The following DGLUCY variants were observed in gnomAD, a reference collection of about 807,000 sequenced individuals.
The protein encoded by DGLUCY is D-glutamate cyclase, mitochondrial.
DGLUCY carries 58 observed loss-of-function variants against 58.5 expected under a neutral mutation model. That is an observed-to-expected ratio of 0.99 (90% CI 0.80 to 1.23). DGLUCY has a LOEUF of 1.23. Among genes scored for constraint, DGLUCY ranks in the 50% most tolerant of loss-of-function variants. The probability of loss-of-function intolerance (pLI) is 0.00; values close to 1 mark genes in which losing one functional copy is unlikely to be tolerated. For missense variants in DGLUCY, 779 were observed against 784.7 expected (o/e 0.99, Z 0.09); for synonymous variants, 325 against 314.1 (o/e 1.03, Z -0.37).
chr14:91,121,662 A>G lies in DGLUCY; in HGVS notation c.-82+7379A>G, dbSNP rs577346230. ...AATAATAATAATAATAATTTCAAGA[A>G]CAAACTCAACTAATGTCTTCAGTGA... On this transcript the variant is annotated intron_variant, in intron 1 of 13. Coordinates refer to ENST00000256324, the MANE Select transcript of DGLUCY (RefSeq NM_001102368.3). 2.7e-5 allele frequency among the ~76,000 whole-genome samples: 4 copies of G among 150,352 alleles called. No individual in the cohort carries two copies. In the South Asian group the frequency reaches 8.4e-4, roughly 32 times the overall value.
At chr14:91,181,493 A>G (rs762701447) in intron 8 of DGLUCY, 104 bp downstream of exon 8, 2 of 1,153,120 alleles carry the variant, frequency 1.7e-6, no homozygotes, top group South Asian at 1.5e-5. Flanking sequence ...TGCAAAATGT[A>G]TCCACAGGAT....
At chr14:91,192,307 G>A (rs1159766984) in intron 9 of DGLUCY, among the ~76,000 whole-genome samples, 1 of 152,138 alleles carries the variant, frequency 6.6e-6, no homozygotes, top group Non-Finnish European at 1.5e-5. Flanking sequence ...AACTCATAGG[G>A]CAGAAAGTAG....
intron 1 of DGLUCY, among the ~76,000 whole-genome samples, chr14:91,068,528 C>T (rs4904743): frequency 0.29 from 44,573 of 151,838 alleles, 6,617 homozygotes; most frequent in Middle Eastern, 0.34. Context: ...ATTAGCCAGG[C>T]GTGGTGGGGC....
chr14:91,112,392 C>G (rs2044720029), upstream of DGLUCY, among the ~76,000 whole-genome samples: 1 of 152,124 alleles, frequency 6.6e-6, no homozygotes, highest in Non-Finnish European at 1.5e-5. Flanking sequence ...CCAAACAGAG[C>G]AACTTAGACA....
At chr14:91,181,578 T>C (rs990980322) in intron 8 of DGLUCY, among the ~76,000 whole-genome samples, 189 bp downstream of exon 8, 1 of 152,202 alleles carries the variant, frequency 6.6e-6, no homozygotes, top group Non-Finnish European at 1.5e-5. Context: ...CTGACATTGA[T>C]GGTCTCTAGG....
chr14:91,073,009 C>T (rs952825487), intron 1 of DGLUCY, among the ~76,000 whole-genome samples: 1 of 151,372 alleles, frequency 6.6e-6, no homozygotes, highest in Non-Finnish European at 1.5e-5. Context: ...AAATAAAAAA[C>T]ATAAAATAAA....
chr14:91,164,863 A>G (rs1454543192), intron 3 of DGLUCY, among the ~76,000 whole-genome samples: 1 of 152,226 alleles, frequency 6.6e-6, no homozygotes, highest in African/African-American at 2.4e-5. Context: ...TGTTTGCTCA[A>G]GGCCATGGGG....
chr14:91,097,461 A>C (rs574316946), intron 1 of DGLUCY, among the ~76,000 whole-genome samples: 1 of 152,216 alleles, frequency 6.6e-6, no homozygotes, highest in Non-Finnish European at 1.5e-5. Flanking sequence ...GCAAAGTTCC[A>C]TGAATATGCA....
chr14:91,176,386 C>T (rs1217258887), intron 7 of DGLUCY, among the ~76,000 whole-genome samples: 1 of 151,940 alleles, frequency 6.6e-6, no homozygotes, highest in African/African-American at 2.4e-5. Context: ...CCACCATGCC[C>T]AGCTAATTTT....
chr14:91,067,949 A>G (rs1401262982), intron 1 of DGLUCY, among the ~76,000 whole-genome samples: 1 of 152,142 alleles, frequency 6.6e-6, no homozygotes, highest in African/African-American at 2.4e-5. Flanking sequence ...AAAGACCAAC[A>G]CAGTTAGGGG....
chr14:91,200,285 C>G (rs970507492), intron 11 of DGLUCY, among the ~76,000 whole-genome samples: 1 of 152,094 alleles, frequency 6.6e-6, no homozygotes, highest in Non-Finnish European at 1.5e-5. Context: ...ATTGAACACA[C>G]GACCAGAAAG....
At chr14:91,173,698 A>G (rs2048702264) in intron 6 of DGLUCY, 2 of 400,648 alleles carry the variant, frequency 5.0e-6, no homozygotes, top group South Asian at 8.8e-5. Flanking sequence ...AACAAGGCTC[A>G]AAGGCTCTGG....
intron 1 of DGLUCY, among the ~76,000 whole-genome samples, chr14:91,122,602 G>GTTTTTTTTTTTT (rs60627604): frequency 1.9e-5 from 2 of 104,790 alleles, no homozygotes; most frequent in African/African-American, 7.8e-5. Flanking sequence ...AAAGAAAAAA[G>GTTTTTTTTTTTT]TTTTTTTTTT....
intron 10 of DGLUCY, among the ~76,000 whole-genome samples, chr14:91,199,461 C>T (rs537089478): frequency 2.8e-4 from 32 of 112,508 alleles, no homozygotes; most frequent in Admixed American, 2.5e-3. Flanking sequence ...CCATGTTGGC[C>T]GGGCTGTTCT....
intron 1 of DGLUCY, among the ~76,000 whole-genome samples, chr14:91,092,899 C>T (rs1240880500): frequency 1.3e-5 from 2 of 152,108 alleles, no homozygotes; most frequent in Non-Finnish European, 2.9e-5. Context: ...GCCTGGCCAA[C>T]ATGGTGAAAC....
chr14:91,099,892 G>A (rs1049155317), intron 1 of DGLUCY, among the ~76,000 whole-genome samples: 18 of 151,894 alleles, frequency 1.2e-4, no homozygotes, highest in African/African-American at 3.9e-4. Flanking sequence ...AAAATTAGAT[G>A]GTTTCTACAA....
intron 11 of DGLUCY, among the ~76,000 whole-genome samples, chr14:91,200,185 C>A (rs1008932984): frequency 3.9e-5 from 6 of 152,146 alleles, no homozygotes; most frequent in Non-Finnish European, 8.8e-5. Flanking sequence ...GAACTCCTGA[C>A]GTCAAGTGAT....
intron 3 of DGLUCY, 47 bp from the exon 4 acceptor site, chr14:91,167,178 C>T (rs757532472): frequency 6.5e-7 from 1 of 1,537,148 alleles, no homozygotes; most frequent in Admixed American, 2.3e-5. Context: ...AAGTGTCTGC[C>T]AAGAAACCGC....
chr14:91,188,662 TA>T (rs2049674416), intron 8 of DGLUCY, among the ~76,000 whole-genome samples: 1 of 151,908 alleles, frequency 6.6e-6, no homozygotes, highest in East Asian at 1.9e-4. Context: ...CCTATCTTTT[TA>T]AAAAATGCCA....
Sources: allele counts gnomAD v4.1 joint callset (sites outside exome capture counted in the v4.1 genomes callset), GRCh38; gene constraint gnomAD v4.1.1; transcripts MANE v1.5; gene names NCBI Gene and HGNC (gene_info 2026-07-23, HGNC 2026-07-21).